The following ZNF407 variants were observed in gnomAD, a reference collection of about 807,000 sequenced individuals.
ZNF407 encodes zinc finger protein 407.
A neutral mutation model predicts 131.2 loss-of-function variants in ZNF407; 17 were observed. That is an observed-to-expected ratio of 0.13 (90% CI 0.09 to 0.19). The LOEUF (loss-of-function observed/expected upper bound fraction) is 0.19, where lower values mean the gene tolerates loss of function less well. Ranked by LOEUF, ZNF407 falls within the 10% of genes least tolerant of loss-of-function variation. The pLI is 1.00. For synonymous variants in ZNF407, 1,156 were observed against 1,062.0 expected (o/e 1.09, Z -1.72); for missense variants, 2,681 against 2,830.6 (o/e 0.95, Z 1.20).
chr18:74,991,844 C>G (rs1486393590), intron 8 of ZNF407, among the ~76,000 whole-genome samples: 1 of 152,198 alleles, frequency 6.6e-6, no homozygotes, highest in East Asian at 1.9e-4. Context: ...GTATTCCTTG[C>G]TTCTAGTTAG....
At chr18:74,652,498 A>G (rs1985271200) in intron 3 of ZNF407, among the ~76,000 whole-genome samples, 1 of 151,982 alleles carries the variant, frequency 6.6e-6, no homozygotes, top group East Asian at 1.9e-4. Context: ...TATTACATGA[A>G]TATTGCTTAT....
At chr18:74,948,240 G>A (rs536708945) in intron 8 of ZNF407, among the ~76,000 whole-genome samples, 1 of 152,340 alleles carries the variant, frequency 6.6e-6, no homozygotes, top group South Asian at 2.1e-4. Flanking sequence ...CTTTTGCTCA[G>A]TAGCGGCTTT....
chr18:74,775,134 T>C (rs1366457213), intron 3 of ZNF407, among the ~76,000 whole-genome samples: 1 of 152,242 alleles, frequency 6.6e-6, no homozygotes, highest in Non-Finnish European at 1.5e-5. Flanking sequence ...AGATATGAAG[T>C]TGTTTATCAA....
At chr18:74,745,105 T>C (rs1043436130) in intron 3 of ZNF407, among the ~76,000 whole-genome samples, 1 of 152,062 alleles carries the variant, frequency 6.6e-6, no homozygotes, top group African/African-American at 2.4e-5. Context: ...CTGTTCTCAG[T>C]TGGGTGGGAA....
At chr18:74,718,302 A>G (rs1268982197) in intron 3 of ZNF407, among the ~76,000 whole-genome samples, 1 of 151,106 alleles carries the variant, frequency 6.6e-6, no homozygotes, top group Non-Finnish European at 1.5e-5. Flanking sequence ...GCACTTGTGT[A>G]TAAGAGTCTT....
At chr18:74,798,576 G>T (rs1969964997) in intron 4 of ZNF407, among the ~76,000 whole-genome samples, 1 of 152,070 alleles carries the variant, frequency 6.6e-6, no homozygotes, top group African/African-American at 2.4e-5. Flanking sequence ...CTTAACAAAC[G>T]CTGCTTTAAA....
chr18:74,708,948 T>G (rs1336109663), intron 3 of ZNF407, among the ~76,000 whole-genome samples: 2 of 152,248 alleles, frequency 1.3e-5, no homozygotes, highest in African/African-American at 2.4e-5. Context: ...GCAGAGAATT[T>G]GCTGATAATC....
intron 4 of ZNF407, among the ~76,000 whole-genome samples, chr18:74,833,883 G>A (rs933671776): frequency 2.6e-5 from 4 of 152,202 alleles, no homozygotes; most frequent in African/African-American, 9.6e-5. Flanking sequence ...GGGACTGTGA[G>A]GTAGGATCTC....
chr18:74,784,766 T>C (rs1476134257), intron 4 of ZNF407, among the ~76,000 whole-genome samples: 4 of 152,260 alleles, frequency 2.6e-5, no homozygotes, highest in Non-Finnish European at 5.9e-5. Context: ...CCAAAGCATC[T>C]TTATGACTCT....
At chr18:74,681,812 A>C (rs1183517596) in intron 3 of ZNF407, among the ~76,000 whole-genome samples, 1 of 152,138 alleles carries the variant, frequency 6.6e-6, no homozygotes, top group Non-Finnish European at 1.5e-5. Flanking sequence ...CATTTTGTAA[A>C]GTTGCTTTTT....
intron 8 of ZNF407, among the ~76,000 whole-genome samples, chr18:75,012,615 C>T (rs1037779424): frequency 1.3e-5 from 2 of 151,882 alleles, no homozygotes; most frequent in Non-Finnish European, 2.9e-5. Context: ...GGAAGCAGTT[C>T]TGCCCCCGTA....
intron 8 of ZNF407, among the ~76,000 whole-genome samples, chr18:74,925,694 G>A (rs1369861831): frequency 6.6e-6 from 1 of 152,118 alleles, no homozygotes; most frequent in East Asian, 1.9e-4. Context: ...TTCATTTTCT[G>A]AAAAGGTCCA....
chr18:74,852,197 A>G (rs1369703165), intron 4 of ZNF407, among the ~76,000 whole-genome samples: 1 of 70,180 alleles, frequency 1.4e-5, no homozygotes. Context: ...ACACACACAC[A>G]CGCACGCACG....
chr18:74,991,108 T>G (rs1972713369), intron 8 of ZNF407, among the ~76,000 whole-genome samples: 1 of 152,204 alleles, frequency 6.6e-6, no homozygotes, highest in South Asian at 2.1e-4. Context: ...TTCAGTTAGG[T>G]TTTTTTCTAG....
chr18:74,743,309 G>A (rs523973), intron 3 of ZNF407, among the ~76,000 whole-genome samples: 2,411 of 152,078 alleles, frequency 0.016, 74 homozygotes, highest in African/African-American at 0.054. Flanking sequence ...CTTTGATACT[G>A]AACTCGGAAG....
chr18:74,729,507 T>G (rs78433621), intron 3 of ZNF407, among the ~76,000 whole-genome samples: 24 of 151,600 alleles, frequency 1.6e-4, no homozygotes, highest in African/African-American at 3.1e-4. Flanking sequence ...GTGTGTGTGT[T>G]TTTTTTTGTC....
chr18:74,634,088 G>A lies in ZNF407; in HGVS notation c.3069G>A (p.Glu1023=), dbSNP rs1599029214. The change falls in exon 2 of 9, where the codon GAG becomes GAA. Residue 1023 remains glutamate (E), a synonymous_variant. Coordinates refer to ENST00000299687, the MANE Select transcript of ZNF407 (RefSeq NM_017757.3). Reference sequence around the variant, plus strand: ...GTGAGAATAAGTGTTTGCACTGTGAGTTTAGTGCTCACTCCTCTGCTTCTC... The same window carrying A: ...GTGAGAATAAGTGTTTGCACTGTGAATTTAGTGCTCACTCCTCTGCTTCTC... ...GTGENKCLHC[E]FSAHSSASLE... 6.2e-7 allele frequency: 1 copy of A among 1,614,050 alleles called. No homozygotes were observed. The highest frequency in any genetic ancestry group is 1.1e-5 in the South Asian group (1 of 91,082).
At chr18:74,705,295 C>T (rs1967599076) in intron 3 of ZNF407, among the ~76,000 whole-genome samples, 1 of 152,044 alleles carries the variant, frequency 6.6e-6, no homozygotes, top group Non-Finnish European at 1.5e-5. Context: ...TCTGAGGCTG[C>T]CTGTGATGTC....
At chr18:74,645,635 CTTTGTGTGTGTGTG>C (rs1568144126) in intron 3 of ZNF407, among the ~76,000 whole-genome samples, 1 of 98,882 alleles carries the variant, frequency 1.0e-5, no homozygotes, top group Non-Finnish European at 2.1e-5. Context: ...CAGTAAAACT[CTTTGTGTGTGTGTG>C]TGTGTGTGTG....
Sources: allele counts gnomAD v4.1 joint callset (sites outside exome capture counted in the v4.1 genomes callset), GRCh38; gene constraint gnomAD v4.1.1; transcripts MANE v1.5; gene names NCBI Gene and HGNC (gene_info 2026-07-23, HGNC 2026-07-21).